USH2A: variants seen among roughly 807,000 people sequenced by gnomAD.
The protein encoded by USH2A is Usher syndrome 2A (autosomal recessive, mild).
In USH2A, 443 loss-of-function variants were observed where a neutral mutation model predicts 538.9. That is an observed-to-expected ratio of 0.82 (90% CI 0.76 to 0.89). USH2A has a LOEUF of 0.89. Among genes scored for constraint, USH2A ranks in the 40% least tolerant of loss-of-function variants. USH2A has a pLI of 0.00. For synonymous variants in USH2A, 2,413 were observed against 2,273.5 expected (o/e 1.06, Z -1.75); for missense variants, 6,633 against 6,324.8 (o/e 1.05, Z -1.65).
chr1:215,923,460 C>T (rs1666153260), intron 38 of USH2A, among the ~76,000 whole-genome samples: 1 of 152,076 alleles, frequency 6.6e-6, no homozygotes, highest in Non-Finnish European at 1.5e-5. Flanking sequence ...TATTCAAATA[C>T]AGGGCAAGAG....
chr1:215,970,659 G>T lies in USH2A; in HGVS notation c.6923C>A (p.Ala2308Glu), dbSNP rs1327563775. The change falls in exon 36 of 72, where the codon GCA becomes GAA. Residue 2308 changes from alanine to glutamate, a missense_variant. Transcript: ENST00000307340. ...PWSLHSFRVQACTAKGCALGP... is the reference protein window; with the variant it reads ...PWSLHSFRVQECTAKGCALGP... ...CAGAGCACAACCTTTGGCCGTGCATGCTTGGACTCTGAAGGAATGTAAACT... is the reference window on the plus strand; with the variant it reads ...CAGAGCACAACCTTTGGCCGTGCATTCTTGGACTCTGAAGGAATGTAAACT... 6.2e-7 allele frequency: 1 copy of T among 1,613,682 alleles called. No homozygotes were observed. The highest frequency in any genetic ancestry group is 2.2e-5 in the East Asian group (1 of 44,850).
chr1:216,422,146 C>A lies in USH2A; in HGVS notation c.191G>T (p.Ser64Ile). The A allele has an allele frequency of 6.2e-7, 1 of 1,613,800 alleles. No homozygotes were observed. The highest frequency in any genetic ancestry group is 8.5e-7 in the Non-Finnish European group (1 of 1,179,898). ...TQAVCGLPDR[S>I]TFCHSSAAAE... ...AGCAGCAGAGCTGTGACAAAAAGTG[C>A]TTCGGTCTGGGAGTCCACATACTGC... is the stretch of plus-strand genomic sequence containing the variant. The change falls in exon 2 of 72, where the codon AGC becomes ATC. Residue 64 changes from serine to isoleucine, a missense_variant. Ser to Ile is a moderately radical substitution (Grantham distance 142). Coordinates refer to ENST00000307340, the MANE Select transcript of USH2A (RefSeq NM_206933.4).
In USH2A at chr1:215,836,497, TA is replaced by T. The variant is rs1229006507; in HGVS notation, c.9371+1493del. ...ATATATATAATATATATTATATATA[TA>T]ATATATATTATATATATATAATATA... On this transcript the variant is annotated intron_variant, in intron 47 of 71. Coordinates refer to ENST00000307340, the MANE Select transcript of USH2A (RefSeq NM_206933.4). Among the ~76,000 whole-genome samples, 162 of 16,796 alleles carry T rather than the reference TA, an allele frequency of 9.6e-3. 6 individuals carry two copies. Among genetic ancestry groups the T allele is most frequent in the East Asian group, 0.034 (6 of 176 alleles). 11.0% of individuals were successfully genotyped at this position (16,796 alleles called of 152,430 possible). A position where few individuals can be genotyped will look rare whatever the true frequency, so the allele number is the denominator to read the frequency against.
At chr1:216,091,021 G>A (rs2032288464) in intron 22 of USH2A, among the ~76,000 whole-genome samples, 1 of 152,134 alleles carries the variant, frequency 6.6e-6, no homozygotes, top group Non-Finnish European at 1.5e-5. Context: ...CAGAAATCAA[G>A]TTTATTGGAG....
intron 21 of USH2A, among the ~76,000 whole-genome samples, chr1:216,139,728 AATTTACTTGAGC>A (rs1405150477): frequency 6.6e-6 from 1 of 152,146 alleles, no homozygotes; most frequent in African/African-American, 2.4e-5. Context: ...CCTGAGTTCT[AATTTACTTGAGC>A]ATTCATCTTC....
chr1:216,303,502 G>T (rs997074166), intron 9 of USH2A, among the ~76,000 whole-genome samples: 1 of 151,560 alleles, frequency 6.6e-6, no homozygotes, highest in African/African-American at 2.4e-5. Context: ...TGGTATACAA[G>T]GTATTTGATT....
chr1:215,943,928 C>T (rs1666697136), intron 37 of USH2A, among the ~76,000 whole-genome samples: 1 of 152,098 alleles, frequency 6.6e-6, no homozygotes, highest in African/African-American at 2.4e-5. Flanking sequence ...TGAGACAGCT[C>T]TAAAATAATG....
At chr1:216,077,958 T>C in intron 27 of USH2A, 131 bp downstream of exon 27, 1 of 1,143,338 alleles carries the variant, frequency 8.7e-7, no homozygotes, top group East Asian at 2.4e-5. Flanking sequence ...TTTAAATTTC[T>C]CCAGAAAAAG....
Position 215,769,834 on chromosome 1 carries a change from C to A in USH2A, c.10940-3046G>T, listed in dbSNP as rs138182415. Among the ~76,000 whole-genome samples the A allele has an allele frequency of 5.9e-5, 9 of 152,170 alleles. 1 individual carries two copies. In the East Asian group the frequency reaches 1.7e-3, roughly 29 times the overall value. On this transcript the variant is annotated intron_variant, in intron 55 of 71. Transcript: ENST00000307340. ...AACATGGTGCACTGAGGAAAGGAGA[C>A]AAAGATTGAAGAACCAGGAGGATGA...
intron 11 of USH2A, among the ~76,000 whole-genome samples, chr1:216,282,129 T>C (rs977824154): frequency 6.6e-6 from 1 of 152,132 alleles, no homozygotes; most frequent in African/African-American, 2.4e-5. Context: ...GCTGTGCAAA[T>C]ATTTTCTTCA....
intron 63 of USH2A, among the ~76,000 whole-genome samples, chr1:215,673,145 A>C (rs2102663527): frequency 6.6e-6 from 1 of 152,282 alleles, no homozygotes; most frequent in Non-Finnish European, 1.5e-5. Context: ...TACCTGAGGA[A>C]GTTTTAATTA....
At chr1:215,745,464 A>G (rs1660445275) in intron 58 of USH2A, among the ~76,000 whole-genome samples, 1 of 152,168 alleles carries the variant, frequency 6.6e-6, no homozygotes, top group African/African-American at 2.4e-5. Flanking sequence ...GGCAACACGC[A>G]TTATCCCATT....
intron 3 of USH2A, among the ~76,000 whole-genome samples, chr1:216,405,453 A>T (rs2039379870): frequency 6.6e-6 from 1 of 152,236 alleles, no homozygotes; most frequent in African/African-American, 2.4e-5. Context: ...ACCATTAGTC[A>T]TTAAAGAAAT....
intron 30 of USH2A, among the ~76,000 whole-genome samples, chr1:216,059,827 C>T (rs539732171): frequency 3.3e-5 from 5 of 152,094 alleles, no homozygotes; most frequent in African/African-American, 9.6e-5. Flanking sequence ...AGCTCCTTGC[C>T]TTTCTATATG....
intron 21 of USH2A, among the ~76,000 whole-genome samples, chr1:216,172,046 G>A (rs1303559788): frequency 1.3e-5 from 2 of 151,914 alleles, no homozygotes; most frequent in Non-Finnish European, 2.9e-5. Context: ...GATATTGACA[G>A]GGTTTATTTA....
intron 60 of USH2A, among the ~76,000 whole-genome samples, chr1:215,730,149 G>C (rs6698895): frequency 0.63 from 96,005 of 152,040 alleles, 32,955 homozygotes; most frequent in Non-Finnish European, 0.78. Flanking sequence ...ATGGAATGGT[G>C]AGTTGTTGAG....
At chr1:216,321,200 A>G (rs1380417020) in intron 9 of USH2A, among the ~76,000 whole-genome samples, 1 of 152,124 alleles carries the variant, frequency 6.6e-6, no homozygotes, top group African/African-American at 2.4e-5. Flanking sequence ...CATTATTGGT[A>G]TAATTGTTAC....
chr1:216,385,358 A>G (rs1293856708), intron 3 of USH2A, among the ~76,000 whole-genome samples: 1 of 152,196 alleles, frequency 6.6e-6, no homozygotes, highest in African/African-American at 2.4e-5. Flanking sequence ...TTGAAAGTCT[A>G]AAGAATGTGA....
chr1:216,256,066 A>G (rs1263170568), intron 11 of USH2A, among the ~76,000 whole-genome samples: 1 of 152,070 alleles, frequency 6.6e-6, no homozygotes, highest in Non-Finnish European at 1.5e-5. Flanking sequence ...TAGATTTCTT[A>G]TGATTAGTGT....
Sources: gnomAD v4.1 joint callset for allele counts (sites outside exome capture counted in the v4.1 genomes callset) on GRCh38, gnomAD v4.1.1 for gene constraint, MANE v1.5 for transcripts, NCBI Gene and HGNC (gene_info 2026-07-23, HGNC 2026-07-21) for gene names.